ERC1: variants seen among roughly 807,000 people sequenced by gnomAD.
ERC1 encodes RAB6 interacting protein 2.
ERC1 carries 56 observed loss-of-function variants against 132.0 expected under a neutral mutation model. The ratio of observed to expected loss-of-function variants is 0.42; its 90% CI spans 0.34 to 0.53. The LOEUF (loss-of-function observed/expected upper bound fraction) is 0.53. Ranked by LOEUF, ERC1 falls within the 20% of genes least tolerant of loss-of-function variation. The pLI is 0.03. For synonymous variants in ERC1, 478 were observed against 476.1 expected (o/e 1.00, Z -0.05); for missense variants, 1,202 against 1,349.9 (o/e 0.89, Z 1.72).
chr12:1,177,411 TAA>T lies in ERC1; in HGVS notation c.1738-3126_1738-3125del, dbSNP rs565058341. ...GACTTAATCATTTCTAAATTTTGAC[TAA>T]AAGTGAGAGATGTGCAACTTTTCCT... is the stretch of plus-strand genomic sequence containing the variant. On this transcript the variant is annotated intron_variant, in intron 8 of 18. Transcript: ENST00000360905. Among the ~76,000 whole-genome samples, 279 of 152,316 alleles carry T rather than the reference TAA, an allele frequency of 1.8e-3. 1 individual carries two copies. The highest frequency in any genetic ancestry group is 4.6e-3 in the African/African-American group (193 of 41,570).
At chr12:1,346,041 C>T (rs1392283218) in intron 15 of ERC1, among the ~76,000 whole-genome samples, 2 of 152,156 alleles carry the variant, frequency 1.3e-5, no homozygotes, top group East Asian at 3.8e-4. Flanking sequence ...TGAGTTAGAA[C>T]AGAAGGGCCA....
intron 17 of ERC1, among the ~76,000 whole-genome samples, chr12:1,427,533 G>A (rs1358750568): frequency 2.0e-5 from 3 of 151,722 alleles, no homozygotes; most frequent in African/African-American, 4.8e-5. Context: ...TTAATATATT[G>A]CATCCCACCT....
At chr12:1,256,686 A>G (rs2076841213) in intron 13 of ERC1, among the ~76,000 whole-genome samples, 2 of 150,946 alleles carry the variant, frequency 1.3e-5, no homozygotes. Context: ...TTTATTCTGA[A>G]TAATTCCTGA....
intron 1 of ERC1, among the ~76,000 whole-genome samples, chr12:994,768 G>A (rs974586452): frequency 1.3e-5 from 2 of 151,906 alleles, no homozygotes; most frequent in African/African-American, 4.8e-5. Context: ...TGGGAGGATG[G>A]CTGGGCAACA....
At chr12:1,076,646 G>C (rs1448381296) in intron 2 of ERC1, among the ~76,000 whole-genome samples, 1 of 152,010 alleles carries the variant, frequency 6.6e-6, no homozygotes, top group Non-Finnish European at 1.5e-5. Flanking sequence ...GCCTGCCTTG[G>C]CTTCCCAAAG....
intron 17 of ERC1, among the ~76,000 whole-genome samples, chr12:1,436,995 T>C (rs748036350): frequency 1.1e-4 from 16 of 144,298 alleles, no homozygotes; most frequent in Non-Finnish European, 2.1e-4. Context: ...TATGTACTTA[T>C]ACTTAACTCT....
chr12:1,082,562 C>T (rs1383613106), intron 2 of ERC1, among the ~76,000 whole-genome samples: 1 of 148,122 alleles, frequency 6.8e-6, no homozygotes, highest in Non-Finnish European at 1.5e-5. Flanking sequence ...GCAGTCTTGG[C>T]TCACTGCAAT....
intron 8 of ERC1, among the ~76,000 whole-genome samples, chr12:1,147,467 C>T (rs560245451): frequency 6.0e-4 from 92 of 152,234 alleles, no homozygotes; most frequent in Non-Finnish European, 9.9e-4. Context: ...ACATTTTTCA[C>T]TTCTCATGCA....
chr12:1,056,890 A>T (rs1287754395), intron 2 of ERC1, among the ~76,000 whole-genome samples: 1 of 152,152 alleles, frequency 6.6e-6, no homozygotes, highest in Non-Finnish European at 1.5e-5. Context: ...TAAAAGGGGA[A>T]ATTACGCCGA....
At chr12:1,404,940 A>G (rs914323837) in intron 16 of ERC1, among the ~76,000 whole-genome samples, 4 of 151,760 alleles carry the variant, frequency 2.6e-5, no homozygotes, top group Non-Finnish European at 5.9e-5. Flanking sequence ...GGAGTTTGAG[A>G]CCAGCCAGGC....
rs531580419 is a variant in ERC1, at chr12:1,308,951, C to T, written c.2780+18939C>T. On this transcript the variant is annotated intron_variant, in intron 15 of 18. Coordinates refer to ENST00000360905, the MANE Select transcript of ERC1 (RefSeq NM_178040.4). ...AGGTGGAGTTCTTATGAATGGGATT[C>T]GTGTCCTTGTAGGAGAGACCCCAGA... 7.9e-4 allele frequency among the ~76,000 whole-genome samples: 120 copies of T among 152,252 alleles called. 1 individual carries two copies. The highest frequency in any genetic ancestry group is 2.7e-3 in the African/African-American group (114 of 41,534).
chr12:1,097,590 G>A (rs1368872331), intron 3 of ERC1, among the ~76,000 whole-genome samples: 1 of 152,016 alleles, frequency 6.6e-6, no homozygotes, highest in African/African-American at 2.4e-5. Context: ...ATCTTATTTT[G>A]TGGCAGCTTG....
intron 7 of ERC1, among the ~76,000 whole-genome samples, chr12:1,116,390 T>C (rs1221769040): frequency 6.6e-6 from 1 of 152,116 alleles, no homozygotes; most frequent in Non-Finnish European, 1.5e-5. Flanking sequence ...TGAATGACAA[T>C]GAGCTTGGTT....
intron 15 of ERC1, among the ~76,000 whole-genome samples, chr12:1,367,951 CTTTTTTT>C (rs59027116): frequency 1.3e-4 from 16 of 118,540 alleles, no homozygotes; most frequent in Non-Finnish European, 2.3e-4. Context: ...CCACATTTTC[CTTTTTTT>C]TTTTTTTTTT....
intron 18 of ERC1, among the ~76,000 whole-genome samples, chr12:1,446,923 G>C (rs1258978189): frequency 1.3e-5 from 2 of 152,076 alleles, no homozygotes; most frequent in Admixed American, 1.3e-4. Flanking sequence ...AGGAGGCTGA[G>C]GCAGGAGGAT....
intron 15 of ERC1, among the ~76,000 whole-genome samples, chr12:1,326,316 C>T (rs1566593205): frequency 6.6e-6 from 1 of 152,128 alleles, no homozygotes; most frequent in African/African-American, 2.4e-5. Context: ...TAATTATGAA[C>T]TGCATTAAGT....
chr12:1,082,887 TA>T (rs1555231813), intron 2 of ERC1, among the ~76,000 whole-genome samples: 1 of 152,234 alleles, frequency 6.6e-6, no homozygotes, highest in Non-Finnish European at 1.5e-5. Flanking sequence ...TAATATCTTC[TA>T]TTAATTTTGA....
At chr12:1,399,894 A>T (rs1160980110) in intron 16 of ERC1, among the ~76,000 whole-genome samples, 2 of 152,180 alleles carry the variant, frequency 1.3e-5, no homozygotes, top group East Asian at 3.8e-4. Context: ...AGTTATCTTG[A>T]GTATATACCT....
At chr12:1,388,365 A>AAAAG (rs1566743708) in intron 16 of ERC1, among the ~76,000 whole-genome samples, 3 of 151,268 alleles carry the variant, frequency 2.0e-5, no homozygotes, top group Non-Finnish European at 4.4e-5. Context: ...AAAAAAAAAA[A>AAAAG]AAATTAGCCT....
Sources: allele counts gnomAD v4.1 joint callset (sites outside exome capture counted in the v4.1 genomes callset), GRCh38; gene constraint gnomAD v4.1.1; transcripts MANE v1.5; gene names NCBI Gene and HGNC (gene_info 2026-07-23, HGNC 2026-07-21).